The following IGFL2 variants were observed in gnomAD, a reference collection of about 807,000 sequenced individuals.
IGFL2 encodes the protein insulin growth factor-like family member 2.
A neutral mutation model predicts 13.9 loss-of-function variants in IGFL2; 7 were observed. That is an observed-to-expected ratio of 0.51 (90% CI 0.29 to 0.95). The LOEUF is 0.95. Among genes scored for constraint, IGFL2 ranks in the 40% least tolerant of loss-of-function variants. The probability of loss-of-function intolerance (pLI) is 0.08; values close to 1 mark genes in which losing one functional copy is unlikely to be tolerated. For missense variants in IGFL2, 138 were observed against 147.8 expected (o/e 0.93, Z 0.34); for synonymous variants, 55 against 55.8 (o/e 0.99, Z 0.07).
the IGFL2 span, among the ~76,000 whole-genome samples, chr19:46,192,875 T>A: frequency 6.6e-6 from 1 of 152,182 alleles, no homozygotes; most frequent in Non-Finnish European, 1.5e-5. Flanking sequence ...CATGATCAAC[T>A]GTGATCTGAA....
chr19:46,160,347 C>T, intron 1 of IGFL2, 68 bp from the exon 2 acceptor site: 3 of 1,446,330 alleles, frequency 2.1e-6, no homozygotes, highest in Non-Finnish European at 2.9e-6. Flanking sequence ...CCTGGCCTGC[C>T]CTCCCTGAGA....
At chr19:46,090,468 T>C in the IGFL2 span, among the ~76,000 whole-genome samples, 2 of 152,242 alleles carry the variant, frequency 1.3e-5, no homozygotes, top group African/African-American at 4.8e-5. Flanking sequence ...TTTTAAGAAG[T>C]AGGTACTTAT....
chr19:46,180,769 G>A, the IGFL2 span: 1 of 152,226 alleles, frequency 6.6e-6, no homozygotes, highest in East Asian at 1.9e-4. Context: ...CAAACCACTG[G>A]TGTAAGTCCA....
chr19:46,141,671 C>G (rs1325921137), upstream of IGFL2, among the ~76,000 whole-genome samples: 1 of 152,122 alleles, frequency 6.6e-6, no homozygotes, highest in Non-Finnish European at 1.5e-5. Context: ...TGAAGCCCTC[C>G]TCACAGTAAC....
At chr19:46,204,606 A>G in the IGFL2 span, among the ~76,000 whole-genome samples, 2 of 152,186 alleles carry the variant, frequency 1.3e-5, no homozygotes, top group Non-Finnish European at 1.5e-5. Flanking sequence ...AAACAGTGAC[A>G]ACACAGAGTG....
chr19:46,120,429 C>T, the IGFL2 span: 1 of 1,597,024 alleles, frequency 6.3e-7, no homozygotes, highest in South Asian at 1.1e-5. Context: ...CCTACAAAAG[C>T]AATTTTAACA....
At chr19:46,124,185 C>T in the IGFL2 span, 1 of 1,609,968 alleles carries the variant, frequency 6.2e-7, no homozygotes, top group Non-Finnish European at 8.5e-7. Context: ...GGTGTACATC[C>T]AAGGAAGAAC....
At chr19:46,085,585 C>T in the IGFL2 span, among the ~76,000 whole-genome samples, 5,573 of 152,150 alleles carry the variant, frequency 0.037, 153 homozygotes, top group East Asian at 0.072. Flanking sequence ...CTAACATGCT[C>T]CTCTGTCTTT....
downstream of IGFL2, among the ~76,000 whole-genome samples, chr19:46,165,187 C>T (rs142702874): frequency 5.9e-5 from 9 of 152,306 alleles, no homozygotes; most frequent in East Asian, 7.7e-4. Context: ...AGGGCAGGGA[C>T]GGCCTTGTAA....
chr19:46,095,701 T>C, the IGFL2 span, among the ~76,000 whole-genome samples: 8 of 152,282 alleles, frequency 5.3e-5, no homozygotes, highest in African/African-American at 1.9e-4. Flanking sequence ...TTGAGTTAAT[T>C]TTTGTGTAAG....
chr19:46,140,913 G>A (rs2146801945), upstream of IGFL2, among the ~76,000 whole-genome samples: 1 of 152,272 alleles, frequency 6.6e-6, no homozygotes, highest in East Asian at 1.9e-4. Context: ...GAATATGGGA[G>A]AAAAATCTCC....
the IGFL2 span, among the ~76,000 whole-genome samples, chr19:46,188,353 G>T: frequency 6.6e-6 from 1 of 152,076 alleles, no homozygotes; most frequent in Non-Finnish European, 1.5e-5. Context: ...CTTGCTGTTT[G>T]CACATGATCA....
At chr19:46,174,191 G>GGAGTC in the IGFL2 span, 1 of 152,250 alleles carries the variant, frequency 6.6e-6, no homozygotes, top group Non-Finnish European at 1.5e-5. Flanking sequence ...CACAGGACCT[G>GGAGTC]GAGTCGAGGT....
the IGFL2 span, among the ~76,000 whole-genome samples, chr19:46,181,855 G>A: frequency 6.6e-6 from 1 of 152,174 alleles, no homozygotes; most frequent in African/African-American, 2.4e-5. Context: ...TGGGCAAGGT[G>A]AACTTGTAGG....
At chr19:46,083,576 A>G in the IGFL2 span, among the ~76,000 whole-genome samples, 1 of 152,228 alleles carries the variant, frequency 6.6e-6, no homozygotes, top group African/African-American at 2.4e-5. Context: ...ATTTCTGAAC[A>G]TACACAACAT....
chr19:46,195,328 A>G, the IGFL2 span, among the ~76,000 whole-genome samples: 1 of 152,152 alleles, frequency 6.6e-6, no homozygotes, highest in Admixed American at 6.5e-5. Context: ...TGCCCTGTTA[A>G]TTAATGACCC....
At chr19:46,171,211 A>C in the IGFL2 span, among the ~76,000 whole-genome samples, 1 of 152,292 alleles carries the variant, frequency 6.6e-6, no homozygotes, top group East Asian at 1.9e-4. Flanking sequence ...ACTGGCCGAC[A>C]CTTAGGGAAA....
At chr19:46,105,061 A>G in the IGFL2 span, among the ~76,000 whole-genome samples, 5 of 152,194 alleles carry the variant, frequency 3.3e-5, no homozygotes, top group African/African-American at 1.2e-4. Flanking sequence ...CGTTGCCCTA[A>G]GCAATGGGAT....
At chr19:46,092,194 C>T in the IGFL2 span, among the ~76,000 whole-genome samples, 2 of 152,124 alleles carry the variant, frequency 1.3e-5, no homozygotes, top group Non-Finnish European at 1.5e-5. Context: ...GGGTCTTGTT[C>T]TGTCACCTAG....
Sources: allele counts gnomAD v4.1 joint callset (sites outside exome capture counted in the v4.1 genomes callset), GRCh38; gene constraint gnomAD v4.1.1; transcripts MANE v1.5; gene names NCBI Gene and HGNC (gene_info 2026-07-23, HGNC 2026-07-21).